Variants in SMURF2 observed in about 807,000 individuals in gnomAD.
The protein encoded by SMURF2 is SMAD specific E3 ubiquitin protein ligase 2, also known as E3 ubiquitin-protein ligase SMURF2.
In SMURF2, 48 loss-of-function variants were observed where a neutral mutation model predicts 109.6. That is an observed-to-expected ratio of 0.44 (90% CI 0.35 to 0.56). The LOEUF (loss-of-function observed/expected upper bound fraction) is 0.56. Among genes scored for constraint, SMURF2 ranks in the 20% least tolerant of loss-of-function variants. SMURF2 has a pLI of 0.01. For synonymous variants in SMURF2, 288 were observed against 317.1 expected (o/e 0.91, Z 0.97); for missense variants, 575 against 909.0 (o/e 0.63, Z 4.72).
intron 1 of SMURF2, among the ~76,000 whole-genome samples, chr17:64,624,389 A>G (rs1352582336): frequency 6.7e-6 from 1 of 149,704 alleles, no homozygotes; most frequent in African/African-American, 2.5e-5. Flanking sequence ...ACTGGAGTGG[A>G]CTGGTGTAAT....
intron 2 of SMURF2, among the ~76,000 whole-genome samples, chr17:64,604,628 G>A (rs1337124560): frequency 6.6e-6 from 1 of 152,076 alleles, no homozygotes; most frequent in East Asian, 1.9e-4. Context: ...CAGATGTCTT[G>A]GAGAGTGCAG....
At chr17:64,638,792 C>A (rs1970456072) in intron 1 of SMURF2, among the ~76,000 whole-genome samples, 2 of 152,186 alleles carry the variant, frequency 1.3e-5, no homozygotes, top group Non-Finnish European at 2.9e-5. Flanking sequence ...TGAGTTAGCA[C>A]AACAGACATA....
At chr17:64,556,112 C>A in intron 13 of SMURF2, 114 bp from the exon 14 acceptor site, 2 of 741,210 alleles carry the variant, frequency 2.7e-6, no homozygotes, top group South Asian at 4.1e-5. Flanking sequence ...AATTTTTACT[C>A]TTCAATAGAG....
chr17:64,653,399 T>G (rs1568211951), intron 1 of SMURF2, among the ~76,000 whole-genome samples: 1 of 151,894 alleles, frequency 6.6e-6, no homozygotes, highest in Non-Finnish European at 1.5e-5. Context: ...AAGTGCTGAC[T>G]AGGATGAGGA....
At chr17:64,619,657 C>T (rs1231256687) in intron 1 of SMURF2, among the ~76,000 whole-genome samples, 1 of 151,894 alleles carries the variant, frequency 6.6e-6, no homozygotes. Context: ...TGGTGAGGGC[C>T]GTCTTCCTGG....
intron 2 of SMURF2, among the ~76,000 whole-genome samples, chr17:64,598,986 T>C (rs1446964199): frequency 6.6e-6 from 1 of 152,164 alleles, no homozygotes; most frequent in Non-Finnish European, 1.5e-5. Context: ...AAACAAAAGA[T>C]GTAACACTCT....
At chr17:64,558,595 T>C (rs1403882827) in intron 12 of SMURF2, among the ~76,000 whole-genome samples, 3 of 152,180 alleles carry the variant, frequency 2.0e-5, no homozygotes, top group African/African-American at 7.2e-5. Flanking sequence ...ATGATAAAAA[T>C]ATAAGTGGGC....
chr17:64,620,454 C>G (rs1970186573), intron 1 of SMURF2, among the ~76,000 whole-genome samples: 1 of 152,180 alleles, frequency 6.6e-6, no homozygotes, highest in Admixed American at 6.5e-5. Context: ...TGTTTTCTCT[C>G]TCATTAACCC....
intron 1 of SMURF2, among the ~76,000 whole-genome samples, chr17:64,629,809 A>G (rs1257864525): frequency 2.6e-5 from 4 of 152,222 alleles, no homozygotes; most frequent in South Asian, 2.1e-4. Context: ...TTTAAAAACC[A>G]TATGTCTCTT....
chr17:64,562,973 G>A lies in SMURF2; in HGVS notation c.1017-7C>T, dbSNP rs747343346. 14 of 1,606,526 alleles carry A rather than the reference G, an allele frequency of 8.7e-6. No homozygotes were observed. Among genetic ancestry groups the A allele is most frequent in the Non-Finnish European group, 1.2e-5 (14 of 1,176,066 alleles). ...TTTCAATTGGTTCTGCCGACTAGAAGTAAACATAGATGTTATTATTAAAGT... is the reference window on the plus strand; with the variant it reads ...TTTCAATTGGTTCTGCCGACTAGAAATAAACATAGATGTTATTATTAAAGT... On this transcript the variant is annotated splice_polypyrimidine_tract_variant and splice_region_variant and intron_variant, in intron 10 of 18. Coordinates refer to ENST00000262435, the MANE Select transcript of SMURF2 (RefSeq NM_022739.4).
chr17:64,592,075 C>T (rs1969757880), intron 4 of SMURF2, among the ~76,000 whole-genome samples: 1 of 152,186 alleles, frequency 6.6e-6, no homozygotes, highest in South Asian at 2.1e-4. Context: ...GCTGGCTATA[C>T]AGTGGATTCT....
Position 64,562,285 on chromosome 17 carries a change from CAAAAAAAAAAAAA to C in SMURF2, c.1212+473_1212+485del, listed in dbSNP as rs782461489. Among the ~76,000 whole-genome samples the C allele has an allele frequency of 7.3e-3, 138 of 19,020 alleles. 1 individual carries two copies. Among genetic ancestry groups the C allele is most frequent in the Middle Eastern group, 0.028 (1 of 36 alleles). The allele number at this position is 19,020 out of a possible 152,430, so 12.5% of individuals were successfully genotyped here. A position where few individuals can be genotyped will look rare whatever the true frequency, so the allele number is the denominator to read the frequency against. ...TCCAGCCTGGCGACAGACTCCGTCT[CAAAAAAAAAAAAA>C]AAAAAAAAAAAAAAAGAGAGAGAGA... On this transcript the variant is annotated intron_variant, in intron 11 of 18. Transcript: ENST00000262435.
At chr17:64,553,514 C>CA (rs1282312378) in intron 15 of SMURF2, among the ~76,000 whole-genome samples, 40 of 150,566 alleles carry the variant, frequency 2.7e-4, no homozygotes, top group Admixed American at 2.0e-3. Context: ...CAAAAAAACC[C>CA]AAAAAAACAA....
chr17:64,556,995 C>G (rs1969130447), intron 13 of SMURF2, among the ~76,000 whole-genome samples: 2 of 152,090 alleles, frequency 1.3e-5, no homozygotes, highest in Admixed American at 6.5e-5. Context: ...AACTATTATC[C>G]CACATTATCA....
Position 64,560,986 on chromosome 17 carries a change from A to G in SMURF2, c.1316+514T>C, listed in dbSNP as rs151243093. On this transcript the variant is annotated intron_variant, in intron 12 of 18. Coordinates refer to ENST00000262435, the MANE Select transcript of SMURF2 (RefSeq NM_022739.4). The stretch of plus-strand genomic sequence containing the variant: ...GTCTCCAAAAAAAAAAAAAAAAAAA[A>G]AAAGAAAGAAAATTAATTTGACTTG... 888 of 154,828 alleles carry G rather than the reference A, an allele frequency of 5.7e-3. 3 individuals are homozygous for G. Among genetic ancestry groups the G allele is most frequent in the Non-Finnish European group, 9.6e-3 (682 of 70,676 alleles). 9.6% of individuals were successfully genotyped at this position (154,828 alleles called of 1,614,324 possible).
chr17:64,577,941 C>CTTTT (rs1157721982), intron 9 of SMURF2, among the ~76,000 whole-genome samples: 28 of 121,202 alleles, frequency 2.3e-4, no homozygotes, highest in African/African-American at 7.2e-4. Context: ...TTTCATTCCA[C>CTTTT]TTTTTTTTTT....
intron 2 of SMURF2, 139 bp from the exon 3 acceptor site, chr17:64,598,629 T>C (rs1969850596): frequency 1.6e-6 from 1 of 609,080 alleles, no homozygotes; most frequent in African/African-American, 1.9e-5. Flanking sequence ...AATAGTCCAT[T>C]TTTTAAAAAA....
chr17:64,597,669 A>G (rs1281693393), intron 3 of SMURF2, among the ~76,000 whole-genome samples: 1 of 151,748 alleles, frequency 6.6e-6, no homozygotes, highest in Non-Finnish European at 1.5e-5. Flanking sequence ...GCTACTCGGG[A>G]GGCTGAGACA....
chr17:64,648,076 A>C (rs1458289070), intron 1 of SMURF2, among the ~76,000 whole-genome samples: 1 of 148,922 alleles, frequency 6.7e-6, no homozygotes. Flanking sequence ...AAAAAAAAAA[A>C]AAAAAAAAAA....
Sources: allele counts gnomAD v4.1 joint callset (sites outside exome capture counted in the v4.1 genomes callset), GRCh38; gene constraint gnomAD v4.1.1; transcripts MANE v1.5; gene names NCBI Gene and HGNC (gene_info 2026-07-23, HGNC 2026-07-21).